Variants in UBASH3A observed in about 807,000 individuals in gnomAD.
UBASH3A encodes the protein ubiquitin-associated and SH3 domain-containing protein A.
UBASH3A carries 63 observed loss-of-function variants against 73.5 expected under a neutral mutation model. The observed-to-expected ratio is 0.86, with a 90% CI of 0.70 to 1.06. UBASH3A has a LOEUF of 1.06. Ranked by LOEUF, UBASH3A falls within the 50% of genes least tolerant of loss-of-function variation. The pLI, the probability that UBASH3A is intolerant of heterozygous loss-of-function variation, is 0.00. For missense variants in UBASH3A, 860 were observed against 859.0 expected (o/e 1.00, Z -0.02); for synonymous variants, 363 against 351.1 (o/e 1.03, Z -0.38).
At chr21:42,417,953 G>A (rs182118749) in intron 6 of UBASH3A, among the ~76,000 whole-genome samples, 19 of 133,088 alleles carry the variant, frequency 1.4e-4, no homozygotes, top group African/African-American at 3.7e-4. Context: ...AGTGATCTGC[G>A]CCCACTTCAA....
chr21:42,436,090 CATAGAGTT>C (rs1339944481), intron 10 of UBASH3A, among the ~76,000 whole-genome samples: 10 of 149,758 alleles, frequency 6.7e-5, no homozygotes, highest in East Asian at 4.0e-4. Flanking sequence ...GAGTTAGAGT[CATAGAGTT>C]ATAGAGTTAT....
At chr21:42,445,502 C>G (rs887066349) in intron 14 of UBASH3A, among the ~76,000 whole-genome samples, 3 of 152,182 alleles carry the variant, frequency 2.0e-5, no homozygotes, top group African/African-American at 4.8e-5. Flanking sequence ...CTGAGTCCCC[C>G]CAAGAGGTCA....
In UBASH3A at chr21:42,413,587, C is replaced by G; in HGVS notation, c.667+64C>G. On this transcript the variant is annotated intron_variant, in intron 5 of 14. Transcript: ENST00000319294. This position sits in a 1 kb window ranked among gnomAD's most constrained non-coding sequence, Gnocchi z 4.5. ...CTCTTTAGGCGGGAATAGCCTTGTTCTCATTATGTGGTTTTTAAAATGCTT... is the reference window on the plus strand; with the variant it reads ...CTCTTTAGGCGGGAATAGCCTTGTTGTCATTATGTGGTTTTTAAAATGCTT... The G allele has an allele frequency of 8.1e-7, 1 of 1,241,228 alleles. No homozygotes were observed. The highest frequency in any genetic ancestry group is 2.0e-5 in the Admixed American group (1 of 49,152). The allele number at this position is 1,241,228 out of a possible 1,614,324, so 76.9% of individuals were successfully genotyped here.
intron 9 of UBASH3A, among the ~76,000 whole-genome samples, chr21:42,433,160 T>C (rs1380933204): frequency 1.3e-5 from 2 of 152,218 alleles, no homozygotes; most frequent in African/African-American, 4.8e-5. Context: ...AGGGAAAATA[T>C]TTTAAAGGCA....
intron 7 of UBASH3A, among the ~76,000 whole-genome samples, chr21:42,421,036 G>A (rs912694049): frequency 6.6e-6 from 1 of 152,214 alleles, no homozygotes; most frequent in Non-Finnish European, 1.5e-5. Context: ...AGGAAGTCTA[G>A]GAACTGTCGT....
intron 8 of UBASH3A, among the ~76,000 whole-genome samples, 194 bp downstream of exon 8, chr21:42,427,014 G>A (rs2053447690): frequency 6.6e-6 from 1 of 152,120 alleles, no homozygotes; most frequent in South Asian, 2.1e-4. Flanking sequence ...TGTCTGCTCT[G>A]GGCAGACAGG....
At chr21:42,441,468 G>GGGCCTGGTT (rs1568940368) in intron 11 of UBASH3A, among the ~76,000 whole-genome samples, 1 of 140,526 alleles carries the variant, frequency 7.1e-6, no homozygotes, top group Non-Finnish European at 1.6e-5. Flanking sequence ...GAGGACTCGG[G>GGGCCTGGTT]GACCTGGTTG....
chr21:42,407,904 T>C (rs932058813), intron 2 of UBASH3A, among the ~76,000 whole-genome samples: 11 of 152,266 alleles, frequency 7.2e-5, no homozygotes, highest in Non-Finnish European at 1.6e-4. Context: ...ATACATGAAC[T>C]ATTACACAGC....
At chr21:42,408,647 G>A (rs2053025879) in intron 2 of UBASH3A, among the ~76,000 whole-genome samples, 1 of 152,118 alleles carries the variant, frequency 6.6e-6, no homozygotes, top group Admixed American at 6.5e-5. Flanking sequence ...CTTGACAGAT[G>A]AGAAAAATGC....
In UBASH3A at chr21:42,404,033, G is replaced by T; in HGVS notation, c.88G>T (p.Ala30Ser). 1 of 1,524,570 alleles carries T rather than the reference G, an allele frequency of 6.6e-7. No individual in the cohort carries two copies. The highest frequency in any genetic ancestry group is 8.8e-7 in the Non-Finnish European group (1 of 1,131,552). 94.4% of individuals were successfully genotyped at this position (1,524,570 alleles called of 1,614,324 possible). A position where few individuals can be genotyped will look rare whatever the true frequency, so the allele number is the denominator to read the frequency against. The change falls in exon 1 of 15, where the codon GCC becomes TCC. Residue 30 changes from alanine (A) to serine (S), a missense_variant. Ala to Ser is a moderately conservative substitution (Grantham distance 99). Coordinates refer to ENST00000319294, the MANE Select transcript of UBASH3A (RefSeq NM_018961.4). ...SSPSLLEPLL[A>S]MGFPVHTALK... ...CCCCTCGCTCCTGGAGCCCCTCCTG[G>T]CCATGGGCTTCCCGGTGCACACCGC...
At chr21:42,406,431 C>T (rs573034678) in intron 2 of UBASH3A, 70 bp downstream of exon 2, 1 of 1,343,934 alleles carries the variant, frequency 7.4e-7, no homozygotes, top group East Asian at 2.3e-5. Flanking sequence ...GACTCCCTCC[C>T]ACCAGGGCTG....
rs577646123 is a variant in UBASH3A at position 42,427,129 on chromosome 21, A to G, written c.1170+309A>G. Among the ~76,000 whole-genome samples the G allele has an allele frequency of 2.6e-5, 4 of 152,136 alleles. No individual in the cohort carries two copies. The East Asian group carries it at 5.8e-4, about 22-fold the overall frequency. On this transcript the variant is annotated intron_variant, in intron 8 of 14. Transcript: ENST00000319294. Reference sequence around the variant, plus strand: ...ATTCATGAGCCAAGAGGTCCCCAAGACGTCACCTGCCCCGGTGCCTTGGCC... The same window carrying G: ...ATTCATGAGCCAAGAGGTCCCCAAGGCGTCACCTGCCCCGGTGCCTTGGCC...
chr21:42,408,807 G>A (rs781156881), intron 2 of UBASH3A, among the ~76,000 whole-genome samples: 2 of 151,474 alleles, frequency 1.3e-5, no homozygotes, highest in African/African-American at 4.9e-5. Context: ...TGCTTGAACC[G>A]GAGAGGTGGA....
intron 8 of UBASH3A, among the ~76,000 whole-genome samples, chr21:42,430,906 C>A (rs1017573042): frequency 2.6e-5 from 4 of 152,244 alleles, no homozygotes; most frequent in African/African-American, 7.2e-5. Context: ...CTGAAATGGA[C>A]CCCCCTGGAT....
At chr21:42,412,309 G>A (rs774624695) in intron 3 of UBASH3A, among the ~76,000 whole-genome samples, 64 of 152,188 alleles carry the variant, frequency 4.2e-4, no homozygotes, top group Non-Finnish European at 7.8e-4. Context: ...GAGAGCCTGC[G>A]GCCTCAGGGG....
intron 14 of UBASH3A, 25 bp from the exon 15 acceptor site, chr21:42,447,032 C>A (rs202195620): frequency 1.9e-6 from 3 of 1,605,200 alleles, no homozygotes; most frequent in African/African-American, 2.7e-5. Context: ...AAGATATTAA[C>A]AAGTGATTTA....
chr21:42,443,068 C>T (rs2053776426), intron 12 of UBASH3A: 3 of 1,248,790 alleles, frequency 2.4e-6, no homozygotes, highest in Admixed American at 3.5e-5. Flanking sequence ...TGTCATTCTC[C>T]ACCCATGTCT....
chr21:42,431,125 C>T (rs1295375620), intron 8 of UBASH3A, among the ~76,000 whole-genome samples: 1 of 152,210 alleles, frequency 6.6e-6, no homozygotes, highest in Admixed American at 6.5e-5. Flanking sequence ...ATCCTCAGCT[C>T]TCATTCACTC....
intron 11 of UBASH3A, among the ~76,000 whole-genome samples, chr21:42,441,110 A>G (rs1437153260): frequency 3.3e-5 from 5 of 152,232 alleles, no homozygotes. Flanking sequence ...GCATGGGTTT[A>G]TAAATCCTCT....
Sources: gnomAD v4.1 joint callset for allele counts (sites outside exome capture counted in the v4.1 genomes callset) on GRCh38, gnomAD v4.1.1 for gene constraint, Gnocchi (gnomAD v3.1) non-coding constraint, MANE v1.5 for transcripts, NCBI Gene and HGNC (gene_info 2026-07-23, HGNC 2026-07-21) for gene names.